The following NEBL variants were observed in gnomAD, a reference collection of about 807,000 sequenced individuals.
NEBL encodes the protein nebulette.
A neutral mutation model predicts 140.2 loss-of-function variants in NEBL; 122 were observed. That is an observed-to-expected ratio of 0.87 (90% CI 0.75 to 1.01). The LOEUF is 1.01. Ranked by LOEUF, NEBL falls within the 50% of genes least tolerant of loss-of-function variation. The pLI is 0.00. For missense variants in NEBL, 1,365 were observed against 1,231.3 expected (o/e 1.11, Z -1.62); for synonymous variants, 436 against 398.9 (o/e 1.09, Z -1.11).
Position 20,824,406 on chromosome 10 carries a change from C to T in NEBL, c.1870-1106G>A, listed in dbSNP as rs1001462205. 3.9e-5 allele frequency among the ~76,000 whole-genome samples: 6 copies of T among 152,172 alleles called. 1 individual carries two copies. The South Asian group carries it at 1.2e-3, about 32-fold the overall frequency. On this transcript the variant is annotated intron_variant, in intron 18 of 27. Transcript: ENST00000377122. ...TGTGGATTTCATGTAAGTAACAATG[C>T]CAATATTAGTCCAGACCCAAAACAG...
At chr10:20,806,211 G>A (rs755916664) in intron 26 of NEBL, among the ~76,000 whole-genome samples, 1 of 152,254 alleles carries the variant, frequency 6.6e-6, no homozygotes, top group South Asian at 2.1e-4. Flanking sequence ...GACAAGTGAC[G>A]TGGGCATGGT....
chr10:20,857,507 GA>G (rs1179250985), intron 9 of NEBL, among the ~76,000 whole-genome samples: 1 of 152,134 alleles, frequency 6.6e-6, no homozygotes, highest in Non-Finnish European at 1.5e-5. Flanking sequence ...AATAGGTATG[GA>G]AATAACTTAT....
chr10:21,082,258 CT>C (rs1836400925), intron 2 of NEBL, among the ~76,000 whole-genome samples: 1 of 152,042 alleles, frequency 6.6e-6, no homozygotes, highest in Admixed American at 6.5e-5. Flanking sequence ...AGATTGGATC[CT>C]TTTGCAATAA....
At chr10:20,945,949 T>C (rs1171390719) in intron 4 of NEBL, among the ~76,000 whole-genome samples, 2 of 152,212 alleles carry the variant, frequency 1.3e-5, no homozygotes, top group East Asian at 1.9e-4. Flanking sequence ...TGCTCATCAG[T>C]GAAATGAGAA....
chr10:21,064,748 A>G (rs760550043), intron 2 of NEBL, among the ~76,000 whole-genome samples: 42 of 152,192 alleles, frequency 2.8e-4, no homozygotes, highest in Admixed American at 2.2e-3. Flanking sequence ...AATGCAATGT[A>G]AATTTGATTC....
intron 12 of NEBL, among the ~76,000 whole-genome samples, chr10:20,842,638 G>A (rs1164934753): frequency 6.6e-6 from 1 of 151,740 alleles, no homozygotes; most frequent in Non-Finnish European, 1.5e-5. Context: ...ATATTTATGG[G>A]GTACAGAATT....
intron 3 of NEBL, among the ~76,000 whole-genome samples, chr10:21,008,390 C>G (rs1564478421): frequency 6.6e-6 from 1 of 152,080 alleles, no homozygotes; most frequent in Admixed American, 6.5e-5. Flanking sequence ...ATTATTCTAT[C>G]TTACTATTAG....
chr10:20,890,895 A>G (rs1846974593), intron 2 of NEBL, among the ~76,000 whole-genome samples: 1 of 152,244 alleles, frequency 6.6e-6, no homozygotes, highest in Admixed American at 6.5e-5. Flanking sequence ...GTAATTTGCT[A>G]AAAGTTGTAT....
chr10:21,011,689 A>C lies in NEBL; in HGVS notation c.249+8428T>G, dbSNP rs150811035. 1.1e-3 allele frequency among the ~76,000 whole-genome samples: 164 copies of C among 143,218 alleles called. 1 individual carries two copies. The East Asian group carries it at 0.03, about 26-fold the overall frequency. The allele number at this position is 143,218 out of a possible 152,430, so 94.0% of individuals were successfully genotyped here. A position where few individuals can be genotyped will look rare whatever the true frequency, so the allele number is the denominator to read the frequency against. On this transcript the variant is annotated intron_variant, in intron 3 of 6. Coordinates refer to the NEBL transcript ENST00000417816. Reference sequence around the variant, plus strand: ...GTGGCATCTGTTGGCATCTGTTGGCATCTGTGGCTGGTAACCCTGTGGTGT... The same window carrying C: ...GTGGCATCTGTTGGCATCTGTTGGCCTCTGTGGCTGGTAACCCTGTGGTGT...
chr10:20,806,681 G>A (rs12258051), intron 26 of NEBL, among the ~76,000 whole-genome samples: 2,777 of 152,278 alleles, frequency 0.018, 96 homozygotes, highest in African/African-American at 0.063. Flanking sequence ...CCCTTACAGC[G>A]GATGCATGTT....
intron 1 of NEBL, among the ~76,000 whole-genome samples, chr10:21,254,674 G>C (rs564978546): frequency 3.8e-4 from 58 of 152,340 alleles, no homozygotes; most frequent in Non-Finnish European, 6.9e-4. Flanking sequence ...CCAGCCCCTA[G>C]TTTAAGCACC....
chr10:20,837,681 T>C lies in NEBL; in HGVS notation c.1339-2058A>G, dbSNP rs531072512. ...AAAAAGATGCCATCTAGGACTTCCA[T>C]AGCTAGTGAGGAGAAGTCAATGTCT... On this transcript the variant is annotated intron_variant, in intron 13 of 27. Transcript: ENST00000377122. 1.4e-4 allele frequency among the ~76,000 whole-genome samples: 21 copies of C among 152,278 alleles called. No homozygotes were observed. In the South Asian group the frequency reaches 4.4e-3, roughly 32 times the overall value.
chr10:21,097,567 A>G (rs917244146), intron 2 of NEBL, among the ~76,000 whole-genome samples: 2 of 152,210 alleles, frequency 1.3e-5, no homozygotes, highest in African/African-American at 4.8e-5. Flanking sequence ...GTCATTTTGT[A>G]TATTGCCAGG....
chr10:20,937,037 T>C (rs1834528208), intron 4 of NEBL, among the ~76,000 whole-genome samples: 1 of 152,320 alleles, frequency 6.6e-6, no homozygotes, highest in East Asian at 1.9e-4. Flanking sequence ...TTTCGATGTG[T>C]GATCTGGAAG....
intron 3 of NEBL, among the ~76,000 whole-genome samples, chr10:20,962,462 T>A (rs982774401): frequency 2.0e-5 from 3 of 152,386 alleles, no homozygotes; most frequent in Non-Finnish European, 4.4e-5. Flanking sequence ...CTTGGCATAC[T>A]GTGTGCTGAA....
chr10:21,136,549 A>C (rs751013860), intron 2 of NEBL, among the ~76,000 whole-genome samples: 25 of 152,172 alleles, frequency 1.6e-4, no homozygotes, highest in Non-Finnish European at 3.2e-4. Flanking sequence ...AAGAATCCTC[A>C]GAGTCAGCAA....
chr10:21,144,480 C>T (rs1040623300), intron 2 of NEBL, among the ~76,000 whole-genome samples: 6 of 152,298 alleles, frequency 3.9e-5, no homozygotes, highest in African/African-American at 1.4e-4. Context: ...AATCCCAGCA[C>T]TTTGGGAGGC....
chr10:20,833,480 T>G (rs560075499), intron 14 of NEBL, among the ~76,000 whole-genome samples: 2 of 152,132 alleles, frequency 1.3e-5, no homozygotes, highest in Admixed American at 6.5e-5. Flanking sequence ...AAATGAGATT[T>G]TTATTATTAT....
intron 5 of NEBL, among the ~76,000 whole-genome samples, chr10:20,873,399 T>C (rs1425437796): frequency 6.6e-6 from 1 of 151,510 alleles, no homozygotes; most frequent in Non-Finnish European, 1.5e-5. Context: ...AATAATTGCT[T>C]TTACATTATT....
Sources: allele counts gnomAD v4.1 joint callset (sites outside exome capture counted in the v4.1 genomes callset), GRCh38; gene constraint gnomAD v4.1.1; transcripts MANE v1.5; gene names NCBI Gene and HGNC (gene_info 2026-07-23, HGNC 2026-07-21).